RBFOX2: variants seen among roughly 807,000 people sequenced by gnomAD.
RBFOX2 encodes the protein RNA binding protein fox-1 homolog 2.
RBFOX2 carries 10 observed loss-of-function variants against 49.1 expected under a neutral mutation model. That is an observed-to-expected ratio of 0.20 (90% CI 0.13 to 0.35). RBFOX2 has a LOEUF of 0.35. RBFOX2 is among the 10% of genes least tolerant of loss of function. The pLI, the probability that RBFOX2 is intolerant of heterozygous loss-of-function variation, is 1.00. For synonymous variants in RBFOX2, 183 were observed against 187.4 expected, an observed-to-expected ratio of 0.98 and a Z score of 0.19; for missense variants, 323 against 486.9, an observed-to-expected ratio of 0.66 and a Z score of 3.17.
rs963084342 is a variant in RBFOX2 at position 35,759,165 on chromosome 22, C to T, written c.887+723G>A. 6.6e-6 allele frequency among the ~76,000 whole-genome samples: 1 copy of T among 152,130 alleles called. No individual in the cohort carries two copies. The highest frequency in any genetic ancestry group is 1.5e-5 in the Non-Finnish European group (1 of 68,036). Reference sequence around the variant, plus strand: ...GCCATCTTCACTCCTTTTCCCCATTCAGTAGCAAAGGATTTATTTGTTGCT... The same window carrying T: ...GCCATCTTCACTCCTTTTCCCCATTTAGTAGCAAAGGATTTATTTGTTGCT... On this transcript the variant is annotated intron_variant, in intron 9 of 11. Transcript: ENST00000405409. This position sits in a 1 kb window ranked among gnomAD's most constrained non-coding sequence, Gnocchi z 4.6.
chr22:35,898,964 A>G (rs931496086), intron 1 of RBFOX2, among the ~76,000 whole-genome samples: 22 of 152,096 alleles, frequency 1.4e-4, no homozygotes, highest in African/African-American at 5.3e-4. Context: ...CTAAAAATAC[A>G]AAAATTAGCT....
chr22:35,982,424 G>A (rs958535171), intron 1 of RBFOX2, among the ~76,000 whole-genome samples: 1 of 152,018 alleles, frequency 6.6e-6, no homozygotes, highest in Non-Finnish European at 1.5e-5. Context: ...CCACATTATA[G>A]GTCTTGTTGG....
intron 1 of RBFOX2, among the ~76,000 whole-genome samples, chr22:35,833,615 A>G (rs778399611): frequency 6.6e-6 from 1 of 152,222 alleles, no homozygotes; most frequent in Non-Finnish European, 1.5e-5. Flanking sequence ...GTGATACATA[A>G]TATGAATAAT....
At chr22:35,744,345 G>A (rs1931450789) in intron 11 of RBFOX2, 96 bp from the exon 14 acceptor site, 1 of 1,174,022 alleles carries the variant, frequency 8.5e-7, no homozygotes, top group South Asian at 1.7e-5. Flanking sequence ...GAAACAGCCT[G>A]CTTCGAAGCC....
intron 2 of RBFOX2, among the ~76,000 whole-genome samples, chr22:35,796,463 T>C (rs1948801691): frequency 6.6e-6 from 1 of 152,192 alleles, no homozygotes; most frequent in East Asian, 1.9e-4. Flanking sequence ...AACTTAAGTA[T>C]ACAAAGAAAA....
At chr22:36,002,731 C>A (rs564399454) in intron 1 of RBFOX2, among the ~76,000 whole-genome samples, 2 of 152,364 alleles carry the variant, frequency 1.3e-5, no homozygotes, top group South Asian at 4.1e-4. Context: ...TCAAGTGATC[C>A]CCCTGCTTCA....
intron 5 of RBFOX2, 89 bp downstream of exon 6, chr22:35,768,168 A>G: frequency 7.2e-7 from 1 of 1,388,822 alleles, no homozygotes; most frequent in Admixed American, 1.7e-5. Context: ...CACACATAAG[A>G]CAGGGTTCCA....
exon 12 of RBFOX2, chr22:35,739,811 A>C (rs1011399667): frequency 1.3e-5 from 2 of 152,548 alleles, no homozygotes; most frequent in Admixed American, 1.3e-4. Context: ...CGGCATGTAC[A>C]CAAGTACCAG....
At chr22:35,792,862 T>TG (rs1948031615) in intron 2 of RBFOX2, among the ~76,000 whole-genome samples, 1 of 152,250 alleles carries the variant, frequency 6.6e-6, no homozygotes, top group Non-Finnish European at 1.5e-5. Context: ...CATTGCATAG[T>TG]ATCTCAAAAA....
At chr22:35,932,496 C>A (rs2052545564) in intron 1 of RBFOX2, among the ~76,000 whole-genome samples, 1 of 152,148 alleles carries the variant, frequency 6.6e-6, no homozygotes, top group East Asian at 1.9e-4. Context: ...CTTGTTTCTG[C>A]TAATCAATGG....
intron 2 of RBFOX2, among the ~76,000 whole-genome samples, chr22:35,784,695 C>T (rs1211773610): frequency 6.6e-6 from 1 of 152,244 alleles, no homozygotes; most frequent in Non-Finnish European, 1.5e-5. Context: ...CGGACCAAGT[C>T]CTGCAGGTTC....
intron 1 of RBFOX2, among the ~76,000 whole-genome samples, chr22:36,013,320 G>C (rs2146404255): frequency 6.6e-6 from 1 of 152,110 alleles, no homozygotes; most frequent in South Asian, 2.1e-4. Context: ...AAAGCACTTG[G>C]GGACAAGAAT....
chr22:35,828,180 A>C (rs1038557320), intron 1 of RBFOX2, among the ~76,000 whole-genome samples: 4 of 151,004 alleles, frequency 2.6e-5, no homozygotes, highest in African/African-American at 9.8e-5. Context: ...AAAAAAAAAG[A>C]AACAGATTTT....
At chr22:35,944,779 G>GA (rs1259549329) in intron 1 of RBFOX2, among the ~76,000 whole-genome samples, 11 of 151,890 alleles carry the variant, frequency 7.2e-5, no homozygotes, top group African/African-American at 2.2e-4. Flanking sequence ...ACCAAGCAAT[G>GA]AAAAAAACAA....
In RBFOX2 at chr22:35,780,276, G is replaced by A. The variant is rs115014189; in HGVS notation, c.399+1324C>T. ...CCCCAGTGTCTTGTCACCGTGAAGT[G>A]GCCACAACCAAGACTTAAAGAAGAG... On this transcript the variant is annotated intron_variant, in intron 3 of 11. Coordinates refer to ENST00000405409, the Ensembl canonical transcript of RBFOX2. Among the ~76,000 whole-genome samples the A allele has an allele frequency of 2.6e-3, 394 of 151,768 alleles. 4 individuals carry two copies. Among genetic ancestry groups the A allele is most frequent in the African/African-American group, 9.3e-3 (385 of 41,408 alleles).
chr22:35,825,426 G>GA lies in RBFOX2; in HGVS notation c.27+14765dup, dbSNP rs755318749. On this transcript the variant is annotated intron_variant, in intron 1 of 11. Transcript: ENST00000405409. ...GCCTTCAAATAAATTTTGACTAAGTGAAAAAAAAAAAAAAAGAAAAAGTTT... is the reference window on the plus strand; with the variant it reads ...GCCTTCAAATAAATTTTGACTAAGTGAAAAAAAAAAAAAAAAGAAAAAGTTT... Among the ~76,000 whole-genome samples, 789 of 103,930 alleles carry GA rather than the reference G, an allele frequency of 7.6e-3. 4 individuals carry two copies. The highest frequency in any genetic ancestry group is 9.8e-3 in the Non-Finnish European group (487 of 49,484). The allele number at this position is 103,930 out of a possible 152,430, so 68.2% of individuals were successfully genotyped here. A position where few individuals can be genotyped will look rare whatever the true frequency, so the allele number is the denominator to read the frequency against.
rs190495852 is a variant in RBFOX2, at chr22:36,011,630, A to T, written c.186+16610T>A. 6.6e-5 allele frequency among the ~76,000 whole-genome samples: 10 copies of T among 152,308 alleles called. No homozygotes were observed. The East Asian group carries it at 1.9e-3, about 29-fold the overall frequency. On this transcript the variant is annotated intron_variant, in intron 1 of 13. Coordinates refer to the RBFOX2 transcript ENST00000438146. ...ACTGTCTCTAGAAGGACACCCAGAT[A>T]ACTAACAATACTAGTTACTTCCAAA...
At chr22:35,743,268 C>T (rs1232089267) in exon 12 of RBFOX2, 1 of 152,126 alleles carries the variant, frequency 6.6e-6, no homozygotes, top group African/African-American at 2.4e-5. Context: ...GAAATCTGGT[C>T]ACTGGCTTAT....
intron 1 of RBFOX2, among the ~76,000 whole-genome samples, chr22:35,958,834 T>A (rs1448705419): frequency 6.6e-6 from 1 of 152,182 alleles, no homozygotes; most frequent in Non-Finnish European, 1.5e-5. Flanking sequence ...GCCTGTCATA[T>A]CTCGTTATAC....
Sources: allele counts gnomAD v4.1 joint callset (sites outside exome capture counted in the v4.1 genomes callset), GRCh38; gene constraint gnomAD v4.1.1; non-coding constraint Gnocchi (gnomAD v3.1); transcripts MANE v1.5; gene names NCBI Gene and HGNC (gene_info 2026-07-23, HGNC 2026-07-21).